TOR1AIP2: variants seen among roughly 807,000 people sequenced by gnomAD.
TOR1AIP2 encodes torsin 1A interacting protein 2.
A neutral mutation model predicts 32.6 loss-of-function variants in TOR1AIP2; 20 were observed. That is an observed-to-expected ratio of 0.61 (90% CI 0.43 to 0.89). The LOEUF (loss-of-function observed/expected upper bound fraction) is 0.89. TOR1AIP2 is among the 40% of genes least tolerant of loss of function. The pLI, the probability that TOR1AIP2 is intolerant of heterozygous loss-of-function variation, is 0.00. For missense variants in TOR1AIP2, 456 were observed against 553.8 expected (o/e 0.82, Z 1.77); for synonymous variants, 214 against 210.8 (o/e 1.02, Z -0.13).
chr1:179,873,276 C>T (rs1330406585), intron 2 of TOR1AIP2, among the ~76,000 whole-genome samples: 2 of 152,190 alleles, frequency 1.3e-5, no homozygotes, highest in Non-Finnish European at 2.9e-5. Flanking sequence ...ATCCTCTTGC[C>T]TTGGCTTCCC....
intron 3 of TOR1AIP2, among the ~76,000 whole-genome samples, chr1:179,853,824 A>G (rs1005822142): frequency 6.6e-6 from 1 of 152,240 alleles, no homozygotes. Context: ...GTGATGCCAT[A>G]GATAAATTGG....
rs747245547 is a variant in TOR1AIP2 at position 179,846,188 on chromosome 1, G to A, written c.1296C>T (p.Pro432=). The A allele has an allele frequency of 6.2e-7, 1 of 1,614,192 alleles. No individual in the cohort carries two copies. Among genetic ancestry groups the A allele is most frequent in the African/African-American group, 1.3e-5 (1 of 75,046 alleles). ...CTGAGTCCATGTGGTTGAAGGAGGT[G>A]GGAGTGTCAGAGTTGGTAAACTTGG... ...LWAKFTNSDT[P]TSFNHMDSDK... Residue 432 remains proline (P), a synonymous_variant, in exon 7 of 7, where the codon CCC becomes CCT. Transcript: ENST00000609928.
chr1:179,862,787 A>C, intron 3 of TOR1AIP2: 3 of 294,178 alleles, frequency 1.0e-5, no homozygotes, highest in Non-Finnish European at 1.5e-5. Flanking sequence ...AATTAGCCAG[A>C]CATGGTGGCG....
At chr1:179,863,783 C>A in intron 3 of TOR1AIP2, 1 of 984,284 alleles carries the variant, frequency 1.0e-6, no homozygotes, top group South Asian at 4.7e-5. Flanking sequence ...TACCTAGATA[C>A]CTGGCATGTT....
At chr1:179,875,710 C>T (rs139990611) in intron 2 of TOR1AIP2, 1 of 148,390 alleles carries the variant, frequency 6.7e-6, no homozygotes, top group East Asian at 2.0e-4. Flanking sequence ...AGAGCCATGG[C>T]ACCAAAAAAA....
chr1:179,859,027 G>C, intron 3 of TOR1AIP2: 1 of 981,100 alleles, frequency 1.0e-6, no homozygotes, highest in Non-Finnish European at 1.2e-6. Flanking sequence ...ATGACAGTTG[G>C]GGTAGAATTA....
At chr1:179,853,516 A>T (rs945430794) in intron 3 of TOR1AIP2, among the ~76,000 whole-genome samples, 6 of 152,238 alleles carry the variant, frequency 3.9e-5, no homozygotes, top group African/African-American at 1.4e-4. Context: ...AAACAAATTG[A>T]TCAATAAAGT....
chr1:179,852,097 T>C (rs1278267496), intron 4 of TOR1AIP2, among the ~76,000 whole-genome samples: 7 of 152,098 alleles, frequency 4.6e-5, no homozygotes, highest in Non-Finnish European at 1.0e-4. Context: ...CCTGGCAACA[T>C]GGTGAAACCC....
At position 179,862,594 on chromosome 1, in the gene TOR1AIP2, G is replaced by A; in HGVS notation, c.-147+2842C>T. On this transcript the variant is annotated intron_variant, in intron 3 of 6. Transcript: ENST00000609928. Reference sequence around the variant, plus strand: ...TCACAACATGTAGCAAGTATGATTTGTTGCACACCAACAGCCATTCATTCC... The same window carrying A: ...TCACAACATGTAGCAAGTATGATTTATTGCACACCAACAGCCATTCATTCC... The A allele has an allele frequency of 4.1e-6, 4 of 985,386 alleles. No individual in the cohort carries two copies. In the South Asian group the frequency reaches 1.9e-4, roughly 46 times the overall value. 61.0% of individuals were successfully genotyped at this position (985,386 alleles called of 1,614,324 possible).
chr1:179,867,126 T>C (rs1383580485), intron 2 of TOR1AIP2, among the ~76,000 whole-genome samples: 3 of 152,176 alleles, frequency 2.0e-5, no homozygotes, highest in Admixed American at 6.5e-5. Context: ...ACAGAAGTAA[T>C]AGCTGTGATT....
intron 3 of TOR1AIP2, among the ~76,000 whole-genome samples, chr1:179,857,585 AT>A (rs1472780173): frequency 6.6e-6 from 1 of 152,206 alleles, no homozygotes; most frequent in Non-Finnish European, 1.5e-5. Context: ...TCACCGTAAA[AT>A]GGTAAATGCT....
intron 5 of TOR1AIP2, among the ~76,000 whole-genome samples, chr1:179,847,839 G>GCATGGCCAA (rs1197482070): frequency 1.3e-5 from 2 of 152,118 alleles, no homozygotes; most frequent in Non-Finnish European, 2.9e-5. Flanking sequence ...TTTGAGACCA[G>GCATGGCCAA]CATGGCCAAC....
At chr1:179,853,544 C>T (rs571434938) in intron 3 of TOR1AIP2, among the ~76,000 whole-genome samples, 1 of 151,918 alleles carries the variant, frequency 6.6e-6, no homozygotes, top group South Asian at 2.1e-4. Flanking sequence ...TATTTATTCC[C>T]TATGAAAATG....
chr1:179,859,965 T>A, intron 3 of TOR1AIP2: 1 of 603,990 alleles, frequency 1.7e-6, no homozygotes, highest in Non-Finnish European at 2.1e-6. Flanking sequence ...GCCTCCTGAG[T>A]AGCTGGGACT....
At chr1:179,875,800 C>CAGCT (rs1156672046) in intron 2 of TOR1AIP2, 1 of 152,082 alleles carries the variant, frequency 6.6e-6, no homozygotes, top group East Asian at 1.9e-4. Context: ...AATTCAAACC[C>CAGCT]AGCTATGACT....
chr1:179,861,281 C>CATT, intron 3 of TOR1AIP2: 1 of 984,600 alleles, frequency 1.0e-6, no homozygotes, highest in Non-Finnish European at 1.2e-6. Flanking sequence ...TAATAAAATT[C>CATT]ATTATTCATA....
chr1:179,847,924 G>T (rs940560486), intron 5 of TOR1AIP2, among the ~76,000 whole-genome samples: 74 of 151,854 alleles, frequency 4.9e-4, no homozygotes, highest in African/African-American at 1.8e-3. Flanking sequence ...TCCCAGCTAC[G>T]TGGGAGGCTG....
Position 179,847,540 on chromosome 1 carries a change from C to T in TOR1AIP2, c.650G>A (p.Ser217Asn). 1 of 1,611,358 alleles carries T rather than the reference C, an allele frequency of 6.2e-7. No homozygotes were observed. The highest frequency in any genetic ancestry group is 8.5e-7 in the Non-Finnish European group (1 of 1,177,498). ...MRQINKKGFWSYGPVILVVLV... is the reference protein window; with the variant it reads ...MRQINKKGFWNYGPVILVVLV... Reference sequence around the variant, plus strand: ...AAAACCAGGTTTGTTCTCACCATAGCTCCAAAAACCCTTTTTATTAATCTG... The same window carrying T: ...AAAACCAGGTTTGTTCTCACCATAGTTCCAAAAACCCTTTTTATTAATCTG... Residue 217 changes from serine (S) to asparagine (N), a missense_variant, in exon 6 of 7, where the codon AGC becomes AAC. Coordinates refer to ENST00000609928, the MANE Select transcript of TOR1AIP2 (RefSeq NM_001199260.2).
Position 179,850,983 on chromosome 1 carries a change from G to A in TOR1AIP2, c.415C>T (p.Leu139Phe), listed in dbSNP as rs1410863658. Residue 139 changes from leucine to phenylalanine, a missense_variant, in exon 5 of 7, where the codon CTC (leucine) becomes TTC (phenylalanine). By Grantham distance (22) the Leu-to-Phe change is conservative. Coordinates refer to ENST00000609928, the MANE Select transcript of TOR1AIP2 (RefSeq NM_001199260.2). The part of the protein sequence containing the change: ...DAHLGSSSVA[L>F]PKEASDGTGA... ...GTTCCGTCACTCGCTTCCTTAGGGAGGGCCACAGAGCTGCTCCCTAAGTGT... is the reference window on the plus strand; with the variant it reads ...GTTCCGTCACTCGCTTCCTTAGGGAAGGCCACAGAGCTGCTCCCTAAGTGT... 3.1e-6 allele frequency: 5 copies of A among 1,614,172 alleles called. No individual in the cohort carries two copies. Among genetic ancestry groups the A allele is most frequent in the Non-Finnish European group, 4.2e-6 (5 of 1,180,036 alleles).
Sources: allele counts gnomAD v4.1 joint callset (sites outside exome capture counted in the v4.1 genomes callset), GRCh38; gene constraint gnomAD v4.1.1; transcripts MANE v1.5; gene names NCBI Gene and HGNC (gene_info 2026-07-23, HGNC 2026-07-21).